The following ARMC5 variants were observed in gnomAD, a reference collection of about 807,000 sequenced individuals.
ARMC5 encodes armadillo repeat-containing protein 5.
In ARMC5, 28 loss-of-function variants were observed where a neutral mutation model predicts 60.5. That is an observed-to-expected ratio of 0.46 (90% CI 0.34 to 0.63). The LOEUF (loss-of-function observed/expected upper bound fraction) is 0.63. Among genes scored for constraint, ARMC5 ranks in the 30% least tolerant of loss-of-function variants. The pLI is 0.01. For missense variants in ARMC5, 1,189 were observed against 1,304.9 expected (o/e 0.91, Z 1.37); for synonymous variants, 680 against 607.3 (o/e 1.12, Z -1.76).
upstream of ARMC5, chr16:31,458,927 G>C: frequency 1.3e-6 from 2 of 1,535,662 alleles, no homozygotes; most frequent in Non-Finnish European, 1.7e-6. Context: ...CTCCGGAAAC[G>C]GAAAATTCCA....
rs368904562 is a variant in ARMC5, at chr16:31,461,983, G to A, written c.537G>A (p.Gly179=). Residue 179 remains glycine (G), a synonymous_variant, in exon 2 of 6, where the codon GGG becomes GGA. Coordinates refer to ENST00000268314, the MANE Select transcript of ARMC5 (RefSeq NM_001105247.2). ...SIQNRTARAL[G]NLAMEPESCG... Reference sequence around the variant, plus strand: ...AGAACCGAACGGCCCGTGCCCTGGGGAACTTAGCCATGGAACCTGAGAGCT... The same window carrying A: ...AGAACCGAACGGCCCGTGCCCTGGGAAACTTAGCCATGGAACCTGAGAGCT... The A allele has an allele frequency of 1.1e-4, 173 of 1,614,102 alleles. No homozygotes were observed. Among genetic ancestry groups the A allele is most frequent in the Middle Eastern group, 4.9e-4 (3 of 6,084 alleles).
chr16:31,465,688 C>T (rs1027435577), intron 4 of ARMC5, 162 bp from the exon 5 acceptor site: 18 of 1,449,530 alleles, frequency 1.2e-5, no homozygotes, highest in Non-Finnish European at 1.4e-5. Context: ...TTGTCCTGGA[C>T]CTCAGGTTCC....
rs749423079 is a variant in ARMC5 at position 31,464,598 on chromosome 16, C to T, written c.1575C>T (p.Ala525=). 6.9e-6 allele frequency: 11 copies of T among 1,589,326 alleles called. No individual in the cohort carries two copies. The Admixed American group carries it at 1.7e-4, about 25-fold the overall frequency. ...IEEPWGREGP[A]LLLLSRFSQA... ...AGCCTTGGGGACGCGAAGGGCCAGCCCTGCTGCTGCTGTCGCGCTTTTCCC... is the reference window on the plus strand; with the variant it reads ...AGCCTTGGGGACGCGAAGGGCCAGCTCTGCTGCTGCTGTCGCGCTTTTCCC... Residue 525 remains alanine (A), a synonymous_variant, in exon 4 of 6, where the codon GCC becomes GCT. Transcript: ENST00000268314. The surrounding 1 kb of genome is among the most constrained non-coding windows in gnomAD (Gnocchi z 7.6).
chr16:31,466,957 G>C lies in ARMC5; in HGVS notation c.*68G>C. On this transcript the variant is annotated 3_prime_UTR_variant, in exon 6 of 6. Coordinates refer to ENST00000268314, the MANE Select transcript of ARMC5 (RefSeq NM_001105247.2). This position sits in a 1 kb window ranked among gnomAD's most constrained non-coding sequence, Gnocchi z 8.0. ...CTGTGAAGGATCCTCCCTGAGACTG[G>C]CAAGGGAGGAGGCTGAGCAGAAGGA... 7.0e-7 allele frequency: 1 copy of C among 1,429,724 alleles called. No homozygotes were observed. Among genetic ancestry groups the C allele is most frequent in the Non-Finnish European group, 9.2e-7 (1 of 1,088,492 alleles). 88.6% of individuals were successfully genotyped at this position (1,429,724 alleles called of 1,614,324 possible). A position where few individuals can be genotyped will look rare whatever the true frequency, so the allele number is the denominator to read the frequency against.
chr16:31,465,463 T>C, intron 4 of ARMC5: 2 of 908,830 alleles, frequency 2.2e-6, no homozygotes, highest in Non-Finnish European at 3.0e-6. Context: ...GAGCGAGGAT[T>C]ATTACAATAT....
At chr16:31,461,361 G>C (rs1360580943) in intron 1 of ARMC5, among the ~76,000 whole-genome samples, 1 of 152,090 alleles carries the variant, frequency 6.6e-6, no homozygotes, top group Non-Finnish European at 1.5e-5. Context: ...CCTGACATTT[G>C]AAGCCTTTCA....
chr16:31,459,480 G>A (rs752477063), upstream of ARMC5: 1 of 1,572,044 alleles, frequency 6.4e-7, no homozygotes, highest in South Asian at 1.2e-5. Flanking sequence ...CCGCTCCCTG[G>A]GATCAGCGGC....
At chr16:31,463,340 C>G (rs1043413919) in intron 3 of ARMC5, among the ~76,000 whole-genome samples, 2 of 152,144 alleles carry the variant, frequency 1.3e-5, no homozygotes, top group Non-Finnish European at 2.9e-5. Context: ...CTCAGGTGAT[C>G]CACCCGCCTC....
At chr16:31,458,908 G>C, upstream of ARMC5, 1 of 1,535,660 alleles carries the variant, frequency 6.5e-7, no homozygotes, top group Non-Finnish European at 8.7e-7. Flanking sequence ...TCGGGACACC[G>C]GGGTCCAGCT....
At position 31,465,913 on chromosome 16, in the gene ARMC5, C is replaced by T. The variant is rs370836071; in HGVS notation, c.1928C>T (p.Thr643Met). The T allele has an allele frequency of 1.2e-4, 186 of 1,608,662 alleles. No individual in the cohort carries two copies. The highest frequency in any genetic ancestry group is 1.8e-4 in the East Asian group (8 of 44,884). The change falls in exon 5 of 6, where the codon ACG (threonine) becomes ATG (methionine). Residue 643 changes from threonine (T) to methionine (M), a missense_variant. Thr to Met is a moderately conservative substitution (Grantham distance 81). This residue lies in a region of ARMC5 where 862 missense variants were observed against 1,071.2 expected (regional missense o/e 0.80). Coordinates refer to ENST00000268314, the MANE Select transcript of ARMC5 (RefSeq NM_001105247.2). Reference sequence around the variant, plus strand: ...TCGCCCTTTGGGGTTGGGGCCCTGACGCACCTGCTGCTCTCTGGGAGCCCT... The same window carrying T: ...TCGCCCTTTGGGGTTGGGGCCCTGATGCACCTGCTGCTCTCTGGGAGCCCT... Reference protein sequence around the residue: ...AESPFGVGALTHLLLSGSPED... With the variant: ...AESPFGVGALMHLLLSGSPED...
Position 31,466,296 on chromosome 16 carries a change from C to G in ARMC5, c.2215C>G (p.Leu739Val), listed in dbSNP as rs550435246. 1.2e-6 allele frequency: 2 copies of G among 1,613,810 alleles called. No homozygotes were observed. The highest frequency in any genetic ancestry group is 1.3e-5 in the African/African-American group (1 of 74,946). The change falls in exon 6 of 6, where the codon CTG becomes GTG. Residue 739 changes from leucine to valine, a missense_variant. Leu to Val is a conservative substitution (Grantham distance 32, BLOSUM62 1). This residue lies in a region of ARMC5 where 862 missense variants were observed against 1,071.2 expected (regional missense o/e 0.80). Coordinates refer to ENST00000268314, the MANE Select transcript of ARMC5 (RefSeq NM_001105247.2). The surrounding 1 kb of genome is among the most constrained non-coding windows in gnomAD (Gnocchi z 8.0). ...DSPSPCLYEPLLGPAPVPAPD... is the reference protein window; with the variant it reads ...DSPSPCLYEPVLGPAPVPAPD... ...ACCTTCCCCTTGCCTCTATGAACCT[C>G]TGCTGGGCCCAGCCCCTGTCCCAGC...
upstream of ARMC5, chr16:31,458,380 G>A (rs1414094687): frequency 1.1e-5 from 17 of 1,534,778 alleles, no homozygotes; most frequent in Admixed American, 2.0e-5. Context: ...ACTAGGCACA[G>A]GCATAGGGCC....
chr16:31,462,875 G>C lies in ARMC5; in HGVS notation c.1328G>C (p.Arg443Thr). 1 of 1,612,438 alleles carries C rather than the reference G, an allele frequency of 6.2e-7. No homozygotes were observed. Among genetic ancestry groups the C allele is most frequent in the South Asian group, 1.1e-5 (1 of 90,886 alleles). Residue 443 changes from arginine to threonine, a missense_variant, in exon 3 of 6, where the codon AGG (arginine) becomes ACG (threonine). Arg to Thr is a moderately conservative substitution (Grantham distance 71). This residue lies in a region of ARMC5 where 862 missense variants were observed against 1,071.2 expected (regional missense o/e 0.80). Coordinates refer to ENST00000268314, the MANE Select transcript of ARMC5 (RefSeq NM_001105247.2). The surrounding 1 kb of genome is among the most constrained non-coding windows in gnomAD (Gnocchi z 7.2). ...EAASWDFPEE[R>T]TPERAQGGSF... ...GCTTCCTGGGACTTTCCTGAGGAGA[G>C]GACCCCTGAGCGGGCACAGGGTGGA...
chr16:31,462,515 G>C lies in ARMC5; in HGVS notation c.968G>C (p.Gly323Ala), dbSNP rs35461188. The C allele has an allele frequency of 7.6e-4, 1,226 of 1,611,414 alleles. 5 individuals are homozygous for C. The Middle Eastern group carries it at 8.1e-3, about 11-fold the overall frequency. ...LIRPALGNAGGVEVLVDELRQ... is the reference protein window; with the variant it reads ...LIRPALGNAGAVEVLVDELRQ... Reference sequence around the variant, plus strand: ...CGGCCTGCACTGGGCAATGCTGGTGGCGTGGAGGTGCTGGTAGATGAGCTC... The same window carrying C: ...CGGCCTGCACTGGGCAATGCTGGTGCCGTGGAGGTGCTGGTAGATGAGCTC... The change falls in exon 3 of 6, where the codon GGC becomes GCC. Residue 323 changes from glycine to alanine, a missense_variant. By Grantham distance (60) the Gly-to-Ala change is moderately conservative (BLOSUM62 0). Around this residue, in one of 2 missense-constraint regions of ARMC5, gnomAD observed 862 missense variants for 1,071.2 expected, o/e 0.80. Coordinates refer to ENST00000268314, the MANE Select transcript of ARMC5 (RefSeq NM_001105247.2). The surrounding 1 kb of genome is among the most constrained non-coding windows in gnomAD (Gnocchi z 7.2).
intron 1 of ARMC5, 28 bp downstream of exon 1, chr16:31,460,027 A>T: frequency 1.3e-6 from 2 of 1,592,592 alleles, no homozygotes; most frequent in Non-Finnish European, 1.7e-6. Flanking sequence ...GTTTCCTAGA[A>T]AGATTAGGTT....
At position 31,464,792 on chromosome 16, in the gene ARMC5, C is replaced by T. The variant is rs2082337897; in HGVS notation, c.1769C>T (p.Ala590Val). 4 of 1,598,490 alleles carry T rather than the reference C, an allele frequency of 2.5e-6. No homozygotes were observed. Among genetic ancestry groups the T allele is most frequent in the East Asian group, 2.2e-5 (1 of 44,796 alleles). The change falls in exon 4 of 6, where the codon GCG becomes GTG. Residue 590 changes from alanine to valine, a missense_variant. This residue lies in a region of ARMC5 where 862 missense variants were observed against 1,071.2 expected (regional missense o/e 0.80). Coordinates refer to ENST00000268314, the MANE Select transcript of ARMC5 (RefSeq NM_001105247.2). This position sits in a 1 kb window ranked among gnomAD's most constrained non-coding sequence, Gnocchi z 7.6. ...LEAFVRSYGA[A>V]LLRAWLVLGV... Reference sequence around the variant, plus strand: ...GCCTTCGTGCGCAGCTATGGCGCGGCGCTGCTGCGGGCCTGGCTGGTGCTG... The same window carrying T: ...GCCTTCGTGCGCAGCTATGGCGCGGTGCTGCTGCGGGCCTGGCTGGTGCTG...
chr16:31,465,169 C>T, intron 4 of ARMC5: 3 of 1,607,280 alleles, frequency 1.9e-6, no homozygotes, highest in Non-Finnish European at 2.6e-6. Context: ...GTGCTTCTTT[C>T]CTGGCTCTGC....
Position 31,466,074 on chromosome 16 carries a change from T to G in ARMC5, c.1998-5T>G. 5 of 1,596,940 alleles carry G rather than the reference T, an allele frequency of 3.1e-6. No individual in the cohort carries two copies. The highest frequency in any genetic ancestry group is 4.2e-6 in the Non-Finnish European group (5 of 1,177,932). On this transcript the variant is annotated splice_polypyrimidine_tract_variant and splice_region_variant and intron_variant, in intron 5 of 5. Coordinates refer to ENST00000268314, the MANE Select transcript of ARMC5 (RefSeq NM_001105247.2). The surrounding 1 kb of genome is among the most constrained non-coding windows in gnomAD (Gnocchi z 8.0). The stretch of plus-strand genomic sequence containing the variant: ...ACCTTTTGAAAGGCCCTCTCTTCCC[T>G]GTAGGAAGCCCTCTCTGTGGCGCCG...
Position 31,459,730 on chromosome 16 carries a change from C to T in ARMC5, c.206C>T (p.Pro69Leu). 1 of 1,555,380 alleles carries T rather than the reference C, an allele frequency of 6.4e-7. No homozygotes were observed. Among genetic ancestry groups the T allele is most frequent in the South Asian group, 1.2e-5 (1 of 85,290 alleles). Residue 69 changes from proline to leucine, a missense_variant, in exon 1 of 6, where the codon CCC becomes CTC. Around this residue, in one of 2 missense-constraint regions of ARMC5, gnomAD observed 327 missense variants for 233.7 expected, o/e 1.40. Coordinates refer to ENST00000268314, the MANE Select transcript of ARMC5 (RefSeq NM_001105247.2). Reference sequence around the variant, plus strand: ...TTCCGGGCACGCGGCGGGCTCCGCCCCCTACTCGCGCTGCTACGGCGAGCG... The same window carrying T: ...TTCCGGGCACGCGGCGGGCTCCGCCTCCTACTCGCGCTGCTACGGCGAGCG... ...ERFRARGGLR[P>L]LLALLRRAAA...
Sources: gnomAD v4.1 joint callset for allele counts (sites outside exome capture counted in the v4.1 genomes callset) on GRCh38, gnomAD v4.1.1 for gene constraint, gnomAD v4.1.1 regional missense constraint, Gnocchi (gnomAD v3.1) non-coding constraint, MANE v1.5 for transcripts, NCBI Gene and HGNC (gene_info 2026-07-23, HGNC 2026-07-21) for gene names.